Variants in GRIA4 observed in about 807,000 individuals in gnomAD.
GRIA4 encodes glutamate receptor 4.
A neutral mutation model predicts 104.0 loss-of-function variants in GRIA4; 34 were observed. That is an observed-to-expected ratio of 0.33 (90% CI 0.25 to 0.44). The LOEUF (loss-of-function observed/expected upper bound fraction) is 0.44, where lower values mean the gene tolerates loss of function less well. GRIA4 is among the 20% of genes least tolerant of loss of function. The pLI is 1.00. For synonymous variants in GRIA4, 386 were observed against 381.9 expected, an observed-to-expected ratio of 1.01 and a Z score of -0.13; for missense variants, 750 against 1,096.5, an observed-to-expected ratio of 0.68 and a Z score of 4.46.
chr11:105,669,237 C>T (rs1393664160), intron 3 of GRIA4, among the ~76,000 whole-genome samples: 2 of 152,060 alleles, frequency 1.3e-5, no homozygotes, highest in East Asian at 1.9e-4. Flanking sequence ...TTACAATAAC[C>T]TTCTGTGTAC....
intron 3 of GRIA4, among the ~76,000 whole-genome samples, chr11:105,699,442 T>C (rs543376979): frequency 6.6e-6 from 1 of 152,324 alleles, no homozygotes; most frequent in East Asian, 1.9e-4. Context: ...TTCTGTCATC[T>C]GGAGACGGCT....
intron 3 of GRIA4, among the ~76,000 whole-genome samples, chr11:105,621,016 G>C (rs1348568128): frequency 6.6e-6 from 1 of 151,552 alleles, no homozygotes; most frequent in East Asian, 1.9e-4. Flanking sequence ...AGGTGCCTCC[G>C]ACTTAAGAAA....
intron 4 of GRIA4, among the ~76,000 whole-genome samples, chr11:105,803,375 A>G (rs1285832727): frequency 6.6e-6 from 1 of 151,972 alleles, no homozygotes; most frequent in Non-Finnish European, 1.5e-5. Context: ...GGCTAATGAT[A>G]TATTGATGTT....
intron 4 of GRIA4, among the ~76,000 whole-genome samples, chr11:105,844,499 T>C (rs1200265065): frequency 6.6e-6 from 1 of 152,200 alleles, no homozygotes; most frequent in African/African-American, 2.4e-5. Context: ...TGAAAATTAA[T>C]GAACTGAAGA....
chr11:105,875,935 TTATTTCTTGTCTTCTGC>T (rs1945803367), intron 5 of GRIA4, among the ~76,000 whole-genome samples: 1 of 152,188 alleles, frequency 6.6e-6, no homozygotes, highest in Non-Finnish European at 1.5e-5. Flanking sequence ...CTGATCTTAG[TTATTTCTTGTCTTCTGC>T]TAGCTTTTGA....
At chr11:105,965,921 T>C (rs1858340485) in intron 14 of GRIA4, 5 of 1,485,050 alleles carry the variant, frequency 3.4e-6, no homozygotes, top group Middle Eastern at 2.0e-4. Context: ...TGCAGTTTCT[T>C]ACAAAATATG....
chr11:105,742,543 TACAC>T (rs368312952), intron 3 of GRIA4, among the ~76,000 whole-genome samples: 1 of 150,944 alleles, frequency 6.6e-6, no homozygotes, highest in Non-Finnish European at 1.5e-5. Context: ...AACATATTTA[TACAC>T]ACACACACAC....
intron 3 of GRIA4, among the ~76,000 whole-genome samples, chr11:105,709,805 A>G (rs1953846708): frequency 6.6e-6 from 1 of 152,110 alleles, no homozygotes; most frequent in Admixed American, 6.6e-5. Flanking sequence ...GAAGATGTGG[A>G]GGCAGTACGT....
intron 4 of GRIA4, among the ~76,000 whole-genome samples, chr11:105,812,209 T>A (rs1210938787): frequency 6.6e-6 from 1 of 152,234 alleles, no homozygotes; most frequent in Non-Finnish European, 1.5e-5. Context: ...TTTCTCTGCA[T>A]GATTGTCCAC....
intron 3 of GRIA4, among the ~76,000 whole-genome samples, chr11:105,651,731 T>A (rs1341582870): frequency 6.6e-6 from 1 of 151,914 alleles, no homozygotes; most frequent in African/African-American, 2.4e-5. Context: ...TTCCATTACT[T>A]TGGCTCAATA....
intron 4 of GRIA4, among the ~76,000 whole-genome samples, chr11:105,843,679 A>C (rs1187672049): frequency 6.6e-6 from 1 of 152,164 alleles, no homozygotes; most frequent in Non-Finnish European, 1.5e-5. Flanking sequence ...AGTTCTAGCT[A>C]TCTCAGAGAA....
intron 3 of GRIA4, among the ~76,000 whole-genome samples, chr11:105,693,533 A>G (rs1208342915): frequency 6.6e-6 from 1 of 152,220 alleles, no homozygotes; most frequent in East Asian, 1.9e-4. Flanking sequence ...ACTGATGGCC[A>G]GAGTAAGAAT....
intron 3 of GRIA4, among the ~76,000 whole-genome samples, chr11:105,679,365 C>G (rs926008199): frequency 1.3e-5 from 2 of 152,084 alleles, no homozygotes; most frequent in Non-Finnish European, 2.9e-5. Flanking sequence ...GGCATCTTGG[C>G]CCAGTTAAGT....
In GRIA4 at chr11:105,954,913, TATATA is replaced by T. The variant is rs1948546624; in HGVS notation, c.2295-17000_2295-16996del. Among the ~76,000 whole-genome samples, 3 of 148,150 alleles carry T rather than the reference TATATA, an allele frequency of 2.0e-5. No individual in the cohort carries two copies. The Admixed American group carries it at 2.0e-4, about 10-fold the overall frequency. ...TGATAGGTATATTGCTTTCAATTTA[TATATA>T]TATATATATATAATGCCATATAAAA... On this transcript the variant is annotated intron_variant, in intron 14 of 16. Transcript: ENST00000282499.
chr11:105,714,706 A>G (rs1954030695), intron 3 of GRIA4, among the ~76,000 whole-genome samples: 1 of 152,164 alleles, frequency 6.6e-6, no homozygotes, highest in Non-Finnish European at 1.5e-5. Flanking sequence ...TTAAATTATG[A>G]TGACAACATC....
At chr11:105,842,270 A>G (rs1185794866) in intron 4 of GRIA4, among the ~76,000 whole-genome samples, 1 of 151,998 alleles carries the variant, frequency 6.6e-6, no homozygotes, top group Non-Finnish European at 1.5e-5. Flanking sequence ...CATTGTAAGG[A>G]CTCTTTCCTT....
intron 12 of GRIA4, 47 bp downstream of exon 12, chr11:105,924,816 T>A: frequency 1.4e-6 from 2 of 1,395,810 alleles, no homozygotes; most frequent in Non-Finnish European, 2.0e-6. Context: ...CCAGTAATTC[T>A]AAATGTTGTG....
intron 3 of GRIA4, among the ~76,000 whole-genome samples, chr11:105,742,938 T>C (rs1939406230): frequency 6.6e-6 from 1 of 152,098 alleles, no homozygotes; most frequent in African/African-American, 2.4e-5. Context: ...GGTTTCATCA[T>C]GTTGGCCAGG....
rs527562752 is a variant in GRIA4 at position 105,795,501 on chromosome 11, G to A, written c.487+42281G>A. On this transcript the variant is annotated intron_variant, in intron 4 of 16. Coordinates refer to ENST00000282499, the MANE Select transcript of GRIA4 (RefSeq NM_000829.4). ...TAGAGTGTGAATGTGTGATGTGGAC[G>A]TTTGGGTGCAGGAGATGAGGGGTAA... Among the ~76,000 whole-genome samples the A allele has an allele frequency of 1.4e-4, 21 of 152,222 alleles. No homozygotes were observed. In the South Asian group the frequency reaches 3.9e-3, roughly 29 times the overall value.
Sources: allele counts gnomAD v4.1 joint callset (sites outside exome capture counted in the v4.1 genomes callset), GRCh38; gene constraint gnomAD v4.1.1; transcripts MANE v1.5; gene names NCBI Gene and HGNC (gene_info 2026-07-23, HGNC 2026-07-21).